LRP8: variants seen among roughly 807,000 people sequenced by gnomAD.
LRP8 encodes the protein low-density lipoprotein receptor-related protein 8.
A neutral mutation model predicts 111.6 loss-of-function variants in LRP8; 46 were observed. The observed-to-expected ratio is 0.41, with a 90% confidence interval of 0.33 to 0.53. LRP8 has a LOEUF of 0.53. Ranked by LOEUF, LRP8 falls within the 20% of genes least tolerant of loss-of-function variation. The pLI, the probability that LRP8 is intolerant of heterozygous loss-of-function variation, is 0.20. For synonymous variants in LRP8, 464 were observed against 511.2 expected (o/e 0.91, Z 1.24); for missense variants, 959 against 1,297.4 (o/e 0.74, Z 4.01).
In LRP8 at chr1:53,275,788, C is replaced by T; in HGVS notation, c.884-35G>A. ...GAGGGCAAGGGGAGAGGATCAGAGTCAGTGTGGTGCTAGGACAATTTCCCC... is the reference window on the plus strand; with the variant it reads ...GAGGGCAAGGGGAGAGGATCAGAGTTAGTGTGGTGCTAGGACAATTTCCCC... On this transcript the variant is annotated intron_variant, in intron 5 of 18. Transcript: ENST00000306052. The surrounding 1 kb of genome is among the most constrained non-coding windows in gnomAD (Gnocchi z 4.4). 1 of 1,609,332 alleles carries T rather than the reference C, an allele frequency of 6.2e-7. No homozygotes were observed. The highest frequency in any genetic ancestry group is 8.5e-7 in the Non-Finnish European group (1 of 1,177,818).
chr1:53,258,428 A>C lies in LRP8; in HGVS notation c.2100T>G (p.Cys700Trp). Residue 700 changes from cysteine to tryptophan, a missense_variant, in exon 14 of 19, where the codon TGT (cysteine) becomes TGG (tryptophan). By Grantham distance (215) the Cys-to-Trp change is radical. Around this residue, in one of 3 missense-constraint regions of LRP8, gnomAD observed 819 missense variants for 1,097.6 expected, o/e 0.75. Coordinates refer to ENST00000306052, the MANE Select transcript of LRP8 (RefSeq NM_004631.5). ...GAGGAGCAGGAAGGCACAGGTATTC[A>C]CAGCCTCCATTAGGCTGGACACTCA... ...CELSVQPNGG[C>W]EYLCLPAPQI... 1 of 1,614,088 alleles carries C rather than the reference A, an allele frequency of 6.2e-7. No individual in the cohort carries two copies. The highest frequency in any genetic ancestry group is 8.5e-7 in the Non-Finnish European group (1 of 1,180,006).
chr1:53,283,416 C>G (rs1647181543), intron 3 of LRP8, among the ~76,000 whole-genome samples: 1 of 148,564 alleles, frequency 6.7e-6, no homozygotes, highest in Admixed American at 7.0e-5. Flanking sequence ...AGTGGCATAC[C>G]CGGGCCACTT....
intron 9 of LRP8, among the ~76,000 whole-genome samples, chr1:53,264,936 G>A (rs1232587610): frequency 2.0e-5 from 3 of 152,142 alleles, no homozygotes; most frequent in Admixed American, 6.5e-5. Context: ...TGAGTACCAC[G>A]CCAAGGAATT....
chr1:53,282,702 A>G (rs1341265965), intron 3 of LRP8, among the ~76,000 whole-genome samples: 1 of 152,036 alleles, frequency 6.6e-6, no homozygotes, highest in Non-Finnish European at 1.5e-5. Flanking sequence ...GAGCCTAGGG[A>G]TCTGCATTTT....
At chr1:53,276,642 A>C in intron 5 of LRP8, 50 bp downstream of exon 5, 4 of 1,364,284 alleles carry the variant, frequency 2.9e-6, no homozygotes, top group Non-Finnish European at 3.9e-6. Flanking sequence ...CGGATCGGAT[A>C]GCGGATCCGC....
chr1:53,277,245 A>C (rs921735256), intron 4 of LRP8, among the ~76,000 whole-genome samples, 167 bp from the exon 5 acceptor site: 2 of 152,222 alleles, frequency 1.3e-5, no homozygotes, highest in South Asian at 2.1e-4. Flanking sequence ...GCGGGCTTCC[A>C]ACACGGACAT....
Position 53,250,949 on chromosome 1 carries a change from T to A in LRP8, c.2504-87A>T. On this transcript the variant is annotated intron_variant, in intron 16 of 18. Transcript: ENST00000306052. This position sits in a 1 kb window ranked among gnomAD's most constrained non-coding sequence, Gnocchi z 4.6. ...GTACAAGGCTTGTCACCACTCCACT[T>A]TTACTACCCTTTGCTCCTCAGGCTC... 9.1e-7 allele frequency: 1 copy of A among 1,092,970 alleles called. No homozygotes were observed. The highest frequency in any genetic ancestry group is 1.4e-6 in the Non-Finnish European group (1 of 726,802). 67.7% of individuals were successfully genotyped at this position (1,092,970 alleles called of 1,614,324 possible).
intron 1 of LRP8, among the ~76,000 whole-genome samples, chr1:53,327,555 C>T (rs1479192846): frequency 6.6e-6 from 1 of 152,228 alleles, no homozygotes; most frequent in Non-Finnish European, 1.5e-5. Context: ...GGCCAAGCCC[C>T]CCTGCACCCC....
rs374401941 is a variant in LRP8, at chr1:53,303,462, T to C, written c.245-13773A>G. On this transcript the variant is annotated intron_variant, in intron 2 of 18. Coordinates refer to ENST00000306052, the MANE Select transcript of LRP8 (RefSeq NM_004631.5). This position sits in a 1 kb window ranked among gnomAD's most constrained non-coding sequence, Gnocchi z 4.3. Reference sequence around the variant, plus strand: ...TCCCATGGCAACCTCAGCAAAGCAATTGCACTCCTCCCAAGACCCAGTCAG... The same window carrying C: ...TCCCATGGCAACCTCAGCAAAGCAACTGCACTCCTCCCAAGACCCAGTCAG... 1.1e-4 allele frequency among the ~76,000 whole-genome samples: 17 copies of C among 152,168 alleles called. No individual in the cohort carries two copies. Among genetic ancestry groups the C allele is most frequent in the East Asian group, 7.7e-4 (4 of 5,166 alleles).
chr1:53,266,937 C>T lies in LRP8; in HGVS notation c.1253-290G>A, dbSNP rs971883800. ...CCTTAGGCCTGCACTGAAAGCCTTC[C>T]ACAGTGTGACCCCAAGTTCCCTGTC... On this transcript the variant is annotated intron_variant, in intron 8 of 18. Transcript: ENST00000306052. The surrounding 1 kb of genome is among the most constrained non-coding windows in gnomAD (Gnocchi z 5.0). The T allele has an allele frequency of 3.0e-6, 1 of 335,252 alleles. No homozygotes were observed. The highest frequency in any genetic ancestry group is 3.9e-5 in the Admixed American group (1 of 25,732). The allele number at this position is 335,252 out of a possible 1,614,324, so 20.8% of individuals were successfully genotyped here.
chr1:53,312,618 G>A (rs958061682), intron 2 of LRP8, among the ~76,000 whole-genome samples: 15 of 151,680 alleles, frequency 9.9e-5, no homozygotes, highest in Non-Finnish European at 1.9e-4. Flanking sequence ...TCAGCCTCCC[G>A]AAAATTCTGG....
Position 53,242,638 on chromosome 1 carries a change from T to C in LRP8, c.*4380A>G, listed in dbSNP as rs896638700. The C allele has an allele frequency of 2.6e-5, 4 of 152,060 alleles. No homozygotes were observed. Among genetic ancestry groups the C allele is most frequent in the African/African-American group, 9.7e-5 (4 of 41,386 alleles). 9.4% of individuals were successfully genotyped at this position (152,060 alleles called of 1,614,324 possible). ...GATTCTTACATCAAATATGGTAACTTTGGGGTTGGTAGGGGGAGACAAACA... is the reference window on the plus strand; with the variant it reads ...GATTCTTACATCAAATATGGTAACTCTGGGGTTGGTAGGGGGAGACAAACA... On this transcript the variant is annotated 3_prime_UTR_variant, in exon 19 of 19. Coordinates refer to ENST00000306052, the MANE Select transcript of LRP8 (RefSeq NM_004631.5).
chr1:53,259,257 G>A (rs879383153), intron 13 of LRP8, among the ~76,000 whole-genome samples: 6 of 152,082 alleles, frequency 3.9e-5, no homozygotes, highest in Non-Finnish European at 8.8e-5. Flanking sequence ...AACTATAGGC[G>A]CATGCCACCA....
intron 2 of LRP8, among the ~76,000 whole-genome samples, chr1:53,297,854 T>C (rs1650042997): frequency 6.6e-6 from 1 of 151,704 alleles, no homozygotes; most frequent in Non-Finnish European, 1.5e-5. Context: ...AAACAAGTGG[T>C]CCACCTTTGC....
At chr1:53,257,508 G>A (rs201919787) in intron 14 of LRP8, 44 bp from the exon 15 acceptor site, 8 of 1,493,414 alleles carry the variant, frequency 5.4e-6, no homozygotes, top group South Asian at 1.2e-5. Flanking sequence ...AGATAATTTT[G>A]TTGCCTAAGG....
intron 2 of LRP8, among the ~76,000 whole-genome samples, chr1:53,300,818 T>C (rs1423095488): frequency 1.3e-5 from 2 of 152,054 alleles, no homozygotes; most frequent in African/African-American, 4.8e-5. Flanking sequence ...ACCGTCTCAG[T>C]AGTTTGGGCC....
intron 6 of LRP8, chr1:53,272,619 T>A: frequency 7.8e-7 from 1 of 1,289,732 alleles, no homozygotes; most frequent in South Asian, 1.2e-5. Context: ...GGCCTCCTCC[T>A]GTTTCCCAGG....
chr1:53,306,599 T>TG (rs1156710734), intron 2 of LRP8, among the ~76,000 whole-genome samples: 1 of 152,190 alleles, frequency 6.6e-6, no homozygotes, highest in East Asian at 1.9e-4. Flanking sequence ...CACTGCTCCC[T>TG]GGGTCTGTTC....
chr1:53,244,655 C>A lies in LRP8; in HGVS notation c.*2363G>T, dbSNP rs930895353. 1 of 152,230 alleles carries A rather than the reference C, an allele frequency of 6.6e-6. No homozygotes were observed. The highest frequency in any genetic ancestry group is 6.5e-5 in the Admixed American group (1 of 15,278). The allele number at this position is 152,230 out of a possible 1,614,324, so 9.4% of individuals were successfully genotyped here. A position where few individuals can be genotyped will look rare whatever the true frequency, so the allele number is the denominator to read the frequency against. On this transcript the variant is annotated 3_prime_UTR_variant, in exon 19 of 19. Transcript: ENST00000306052. ...GTGAATTTCATTGTCATTTTGAGAT[C>A]TCAGGCTGTATGTCCAGACCCCATT...
Sources: allele counts gnomAD v4.1 joint callset (sites outside exome capture counted in the v4.1 genomes callset), GRCh38; gene constraint gnomAD v4.1.1; regional missense constraint gnomAD v4.1.1; non-coding constraint Gnocchi (gnomAD v3.1); transcripts MANE v1.5; gene names NCBI Gene and HGNC (gene_info 2026-07-23, HGNC 2026-07-21).